TM2D1: variants seen among roughly 807,000 people sequenced by gnomAD.
TM2D1 encodes TM2 domain-containing protein 1.
TM2D1 carries 15 observed loss-of-function variants against 28.4 expected under a neutral mutation model. The ratio of observed to expected loss-of-function variants is 0.53; its 90% confidence interval spans 0.35 to 0.81. The LOEUF (loss-of-function observed/expected upper bound fraction) is 0.81, where lower values mean the gene tolerates loss of function less well. TM2D1 is among the 40% of genes least tolerant of loss of function. TM2D1 has a pLI of 0.01. For synonymous variants in TM2D1, 93 were observed against 96.2 expected, an observed-to-expected ratio of 0.97 and a Z score of 0.20; for missense variants, 236 against 254.9, an observed-to-expected ratio of 0.93 and a Z score of 0.50.
chr1:61,705,887 G>A (rs547885582), intron 3 of TM2D1, among the ~76,000 whole-genome samples: 1 of 152,216 alleles, frequency 6.6e-6, no homozygotes, highest in African/African-American at 2.4e-5. Flanking sequence ...TCAGTTTCTG[G>A]AGAATACATT....
At chr1:61,700,071 C>T in intron 4 of TM2D1, 1 of 1,407,708 alleles carries the variant, frequency 7.1e-7, no homozygotes, top group Non-Finnish European at 9.2e-7. Flanking sequence ...CAGAGTACTA[C>T]AGTAAATAAA....
chr1:61,687,225 T>C (rs900179642), intron 5 of TM2D1, among the ~76,000 whole-genome samples: 1 of 151,832 alleles, frequency 6.6e-6, no homozygotes, highest in Admixed American at 6.6e-5. Context: ...AGACAAAAAG[T>C]ATATTAGAGG....
At chr1:61,712,032 T>C (rs1004901148) in intron 2 of TM2D1, among the ~76,000 whole-genome samples, 7 of 152,040 alleles carry the variant, frequency 4.6e-5, no homozygotes, top group African/African-American at 1.7e-4. Context: ...ATGATGTAAC[T>C]AGCCCTAACT....
intron 5 of TM2D1, among the ~76,000 whole-genome samples, chr1:61,685,866 A>G (rs1256822107): frequency 6.6e-6 from 1 of 152,198 alleles, no homozygotes; most frequent in African/African-American, 2.4e-5. Context: ...ATAAAATATT[A>G]GCCAGGTGCC....
chr1:61,714,984 C>T (rs768804632), intron 2 of TM2D1, among the ~76,000 whole-genome samples: 1 of 152,158 alleles, frequency 6.6e-6, no homozygotes, highest in Non-Finnish European at 1.5e-5. Context: ...AAGCCCAACA[C>T]TCCAGGATTA....
intron 3 of TM2D1, among the ~76,000 whole-genome samples, chr1:61,703,413 A>ATT (rs562710565): frequency 9.9e-5 from 13 of 131,466 alleles, no homozygotes; most frequent in East Asian, 8.8e-4. Context: ...GTTTCACATA[A>ATT]TTTTTTTTTT....
At chr1:61,724,536 T>C (rs1644591003) in intron 1 of TM2D1, 1 of 166,548 alleles carries the variant, frequency 6.0e-6, no homozygotes, top group African/African-American at 2.4e-5. Flanking sequence ...TAATGATAAA[T>C]GGGCAACACA....
intron 5 of TM2D1, 146 bp from the exon 6 acceptor site, chr1:61,683,692 T>C (rs914020088): frequency 6.3e-6 from 3 of 479,142 alleles, no homozygotes; most frequent in Non-Finnish European, 1.1e-5. Context: ...ATTTAGTGGC[T>C]CATGTAGCTA....
In TM2D1 at chr1:61,701,156, C is replaced by G. The variant is rs12057761; in HGVS notation, c.348-131G>C. On this transcript the variant is annotated intron_variant, in intron 3 of 6. Coordinates refer to ENST00000606498, the MANE Select transcript of TM2D1 (RefSeq NM_032027.3). ...TGTTTTTTAGATGCCTCCTGTGTGT[C>G]AGGCACTATTCTAGGCTATTGGAAT... is the stretch of plus-strand genomic sequence containing the variant. 9,111 of 655,616 alleles carry G rather than the reference C, an allele frequency of 0.014. 571 individuals carry two copies. In the African/African-American group the frequency reaches 0.14, roughly 10 times the overall value. 40.6% of individuals were successfully genotyped at this position (655,616 alleles called of 1,614,324 possible).
intron 3 of TM2D1, among the ~76,000 whole-genome samples, chr1:61,704,583 C>A (rs189441583): frequency 5.4e-4 from 82 of 152,112 alleles, no homozygotes; most frequent in African/African-American, 1.9e-3. Context: ...AGGTGCCCAC[C>A]ACCACTCCCG....
At chr1:61,683,859 T>C (rs776214906) in intron 5 of TM2D1, 3 of 187,588 alleles carry the variant, frequency 1.6e-5, no homozygotes, top group African/African-American at 7.1e-5. Context: ...CTCTAACTAA[T>C]TGCCAACAGC....
chr1:61,721,891 C>T (rs933301392), intron 2 of TM2D1, among the ~76,000 whole-genome samples: 1 of 139,980 alleles, frequency 7.1e-6, no homozygotes. Flanking sequence ...AAGAGAACTG[C>T]TTGAGCCTAT....
In TM2D1 at chr1:61,710,465, T is replaced by C. The variant is rs865898595; in HGVS notation, c.239-1028A>G. Among the ~76,000 whole-genome samples, 33 of 73,082 alleles carry C rather than the reference T, an allele frequency of 4.5e-4. 1 individual carries two copies. Among genetic ancestry groups the C allele is most frequent in the African/African-American group, 1.5e-3 (17 of 11,474 alleles). The allele number at this position is 73,082 out of a possible 152,430, so 47.9% of individuals were successfully genotyped here. ...AAAAAAATGTATATATATATATACA[T>C]ATATATATATACACACACACACACA... is the stretch of plus-strand genomic sequence containing the variant. On this transcript the variant is annotated intron_variant, in intron 2 of 6. Coordinates refer to ENST00000606498, the MANE Select transcript of TM2D1 (RefSeq NM_032027.3).
intron 4 of TM2D1, chr1:61,699,834 A>C (rs1570107461): frequency 5.7e-6 from 1 of 175,964 alleles, no homozygotes; most frequent in East Asian, 1.4e-4. Context: ...ATATATGTTT[A>C]ATTAACTAAA....
intron 6 of TM2D1, among the ~76,000 whole-genome samples, chr1:61,683,121 C>T (rs997232066): frequency 2.0e-5 from 3 of 152,040 alleles, no homozygotes; most frequent in Admixed American, 1.3e-4. Context: ...GAGCTATTTA[C>T]GGCACATACT....
In TM2D1 at chr1:61,694,742, A is replaced by C; in HGVS notation, c.468T>G (p.Phe156Leu). 1 of 1,608,816 alleles carries C rather than the reference A, an allele frequency of 6.2e-7. No homozygotes were observed. Among genetic ancestry groups the C allele is most frequent in the East Asian group, 2.2e-5 (1 of 44,606 alleles). The change falls in exon 5 of 7, where the codon TTT (phenylalanine) becomes TTG (leucine). Residue 156 changes from phenylalanine (F) to leucine (L), a missense_variant. Transcript: ENST00000606498. Reference sequence around the variant, plus strand: ...AATCAATTAGGCTCCCAATTCCACAAAACCCTACAGTGCAAAACTTTAACA... The same window carrying C: ...AATCAATTAGGCTCCCAATTCCACACAACCCTACAGTGCAAAACTTTAACA... The part of the protein sequence containing the change: ...LGLLKFCTVG[F>L]CGIGSLIDFI...
intron 2 of TM2D1, among the ~76,000 whole-genome samples, chr1:61,714,607 T>G (rs994247971): frequency 1.2e-4 from 19 of 152,236 alleles, no homozygotes; most frequent in Non-Finnish European, 2.1e-4. Flanking sequence ...CAGGCTAGAG[T>G]GCAATGGCAC....
intron 5 of TM2D1, among the ~76,000 whole-genome samples, chr1:61,685,090 C>A (rs542056699): frequency 3.3e-5 from 5 of 152,200 alleles, no homozygotes; most frequent in African/African-American, 9.6e-5. Flanking sequence ...CAGGCGTGAG[C>A]CAATGTGCCC....
intron 2 of TM2D1, among the ~76,000 whole-genome samples, chr1:61,713,698 G>A (rs1207027868): frequency 1.3e-5 from 2 of 151,902 alleles, no homozygotes; most frequent in Non-Finnish European, 2.9e-5. Context: ...TCACTTTCTT[G>A]TCATACAGCC....
Sources: gnomAD v4.1 joint callset for allele counts (sites outside exome capture counted in the v4.1 genomes callset) on GRCh38, gnomAD v4.1.1 for gene constraint, MANE v1.5 for transcripts, NCBI Gene and HGNC (gene_info 2026-07-23, HGNC 2026-07-21) for gene names.